Variants in GCLC observed in about 807,000 individuals in gnomAD.
GCLC encodes the protein glutamate-cysteine ligase catalytic subunit.
A neutral mutation model predicts 81.5 loss-of-function variants in GCLC; 30 were observed. The ratio of observed to expected loss-of-function variants is 0.37; its 90% CI spans 0.28 to 0.50. GCLC has a LOEUF of 0.50. Ranked by LOEUF, GCLC falls within the 20% of genes least tolerant of loss-of-function variation. The pLI is 0.96. For synonymous variants in GCLC, 262 were observed against 273.3 expected, an observed-to-expected ratio of 0.96 and a Z score of 0.41; for missense variants, 556 against 777.4, an observed-to-expected ratio of 0.72 and a Z score of 3.39.
intron 6 of GCLC, chr6:53,510,402 A>G (rs1434733081): frequency 6.6e-6 from 1 of 151,890 alleles, no homozygotes; most frequent in Non-Finnish European, 1.5e-5. Context: ...CAGAGAAAAG[A>G]TCATATAACT....
intron 1 of GCLC, among the ~76,000 whole-genome samples, chr6:53,538,101 T>C (rs1485209983): frequency 6.6e-6 from 1 of 151,690 alleles, no homozygotes. Flanking sequence ...CATACACTTA[T>C]TCATTAATAA....
chr6:53,527,372 T>C (rs1301649793), intron 1 of GCLC, among the ~76,000 whole-genome samples: 1 of 152,186 alleles, frequency 6.6e-6, no homozygotes, highest in Non-Finnish European at 1.5e-5. Flanking sequence ...AGAGACTTAG[T>C]TTTCTCCTTA....
intron 15 of GCLC, 145 bp downstream of exon 15, chr6:53,499,900 A>G (rs568401515): frequency 3.0e-6 from 2 of 671,470 alleles, no homozygotes; most frequent in Admixed American, 4.9e-5. Flanking sequence ...CAAAGATTAT[A>G]AGGTGAATAC....
chr6:53,530,456 T>G (rs762055146), intron 1 of GCLC, among the ~76,000 whole-genome samples: 7 of 152,198 alleles, frequency 4.6e-5, no homozygotes, highest in Non-Finnish European at 8.8e-5. Context: ...AAATCTCAGA[T>G]AAGTTAAAGC....
chr6:53,527,920 T>G (rs1218706715), intron 1 of GCLC, among the ~76,000 whole-genome samples: 1 of 152,196 alleles, frequency 6.6e-6, no homozygotes, highest in Non-Finnish European at 1.5e-5. Context: ...GATCACTGCA[T>G]CCACCCCACA....
At chr6:53,507,108 C>T in intron 9 of GCLC, 83 bp from the exon 10 acceptor site, 2 of 817,998 alleles carry the variant, frequency 2.4e-6, no homozygotes, top group Middle Eastern at 2.2e-4. Flanking sequence ...CAGGATAGCT[C>T]AGGAAGTTTG....
rs1764422490 is a variant in GCLC at position 53,498,517 on chromosome 6, G to A, written c.*239C>T. 2 of 514,770 alleles carry A rather than the reference G, an allele frequency of 3.9e-6. No homozygotes were observed. Among genetic ancestry groups the A allele is most frequent in the East Asian group, 6.8e-5 (2 of 29,308 alleles). The allele number at this position is 514,770 out of a possible 1,614,324, so 31.9% of individuals were successfully genotyped here. Reference sequence around the variant, plus strand: ...TTTAAAAATGTACAAGCCAGTTCATGATGACTTTAGATATGTTATTAAAAT... The same window carrying A: ...TTTAAAAATGTACAAGCCAGTTCATAATGACTTTAGATATGTTATTAAAAT... On this transcript the variant is annotated 3_prime_UTR_variant, in exon 16 of 16. Coordinates refer to ENST00000650454, the MANE Select transcript of GCLC (RefSeq NM_001498.4).
intron 2 of GCLC, 128 bp from the exon 3 acceptor site, chr6:53,521,088 A>G (rs1334408160): frequency 5.3e-6 from 4 of 758,220 alleles, no homozygotes; most frequent in Non-Finnish European, 9.4e-6. Context: ...AGTCCTTCAC[A>G]GTTCTCAGTG....
rs965427186 is a variant in GCLC at position 53,498,926 on chromosome 6, C to T, written c.1744G>A (p.Ala582Thr). The change falls in exon 16 of 16, where the codon GCA becomes ACA. Residue 582 changes from alanine (A) to threonine (T), a missense_variant. By Grantham distance (58) the Ala-to-Thr change is moderately conservative. Transcript: ENST00000650454. ...TCTTGCTTGTAGTCAGGATGGTTTG[C>T]GATAAACTCCCTCATCCATCTGGCA... is the stretch of plus-strand genomic sequence containing the variant. ...TVARWMREFI[A>T]NHPDYKQDSV... The T allele has an allele frequency of 5.6e-6, 9 of 1,612,964 alleles. No homozygotes were observed. Among genetic ancestry groups the T allele is most frequent in the South Asian group, 3.3e-5 (3 of 91,052 alleles).
Position 53,544,666 on chromosome 6 carries a change from C to T in GCLC, c.-21G>A, listed in dbSNP as rs144102991. On this transcript the variant is annotated 5_prime_UTR_variant, in exon 1 of 16. Coordinates refer to ENST00000650454, the MANE Select transcript of GCLC (RefSeq NM_001498.4). ...CCCATGGCCGCCCCCTCCTCCTCCT[C>T]CTCCTCCTCCGGGCTGACGGCGGTC... The T allele has an allele frequency of 5.5e-4, 877 of 1,582,718 alleles. No individual in the cohort carries two copies. Among genetic ancestry groups the T allele is most frequent in the Non-Finnish European group, 5.6e-4 (652 of 1,171,778 alleles).
chr6:53,514,124 C>G, intron 6 of GCLC, 80 bp downstream of exon 6: 1 of 1,343,522 alleles, frequency 7.4e-7, no homozygotes, highest in Non-Finnish European at 1.1e-6. Flanking sequence ...ATTTTTGGAA[C>G]AGGAAACATG....
Position 53,511,325 on chromosome 6 carries a change from C to T in GCLC, c.754-2075G>A, listed in dbSNP as rs542584686. Among the ~76,000 whole-genome samples, 3 of 151,962 alleles carry T rather than the reference C, an allele frequency of 2.0e-5. No homozygotes were observed. In the South Asian group the frequency reaches 6.2e-4, roughly 32 times the overall value. On this transcript the variant is annotated intron_variant, in intron 6 of 15. Transcript: ENST00000650454. The stretch of plus-strand genomic sequence containing the variant: ...TTTAAAAAAACCAAAAAACAAAAAA[C>T]TACATGTTTCCCAAGTATTTTGACT...
chr6:53,534,592 C>T, intron 1 of GCLC, among the ~76,000 whole-genome samples: 1 of 151,864 alleles, frequency 6.6e-6, no homozygotes. Context: ...ATCAGTGGGC[C>T]CTACAATTGC....
At position 53,500,073 on chromosome 6, in the gene GCLC, G is replaced by A; in HGVS notation, c.1674C>T (p.Tyr558=). ...DVDTRCSILN[Y]LKLIKKRASG... The stretch of plus-strand genomic sequence containing the variant: ...ATGCTCTCTTCTTAATTAGCTTTAG[G>A]TAGTTCAGAATACTACATCTGGTGT... Residue 558 remains tyrosine, a synonymous_variant, in exon 15 of 16, where the codon TAC becomes TAT. Transcript: ENST00000650454. 1 of 1,604,880 alleles carries A rather than the reference G, an allele frequency of 6.2e-7. No individual in the cohort carries two copies. The highest frequency in any genetic ancestry group is 1.1e-5 in the South Asian group (1 of 90,888).
chr6:53,514,081 T>C, intron 6 of GCLC, 123 bp downstream of exon 6: 1 of 893,812 alleles, frequency 1.1e-6, no homozygotes, highest in Non-Finnish European at 1.8e-6. Context: ...CAGAAAGGCA[T>C]ACCAGCTACC....
rs752576461 is a variant in GCLC, at chr6:53,500,269, A to G, written c.1559T>C (p.Ile520Thr). 2.5e-6 allele frequency: 4 copies of G among 1,614,032 alleles called. No homozygotes were observed. Among genetic ancestry groups the G allele is most frequent in the East Asian group, 4.5e-5 (2 of 44,872 alleles). Residue 520 changes from isoleucine to threonine, a missense_variant, in exon 14 of 16, where the codon ATA becomes ACA. Coordinates refer to ENST00000650454, the MANE Select transcript of GCLC (RefSeq NM_001498.4). ...LAAEEYTLMS[I>T]DTIINGKEGV... ...TACCTTCCCATTGATGATGGTGTCT[A>G]TGCTCATGAGGGTGTACTCCTCTGC...
At chr6:53,533,390 C>A (rs2127629298) in intron 1 of GCLC, among the ~76,000 whole-genome samples, 1 of 152,356 alleles carries the variant, frequency 6.6e-6, no homozygotes, top group East Asian at 1.9e-4. Flanking sequence ...ACCTGCCCAA[C>A]TGGCAAATCC....
intron 1 of GCLC, among the ~76,000 whole-genome samples, chr6:53,526,281 C>G (rs1453719895): frequency 6.6e-6 from 1 of 152,124 alleles, no homozygotes; most frequent in East Asian, 1.9e-4. Context: ...CCAACAAAAA[C>G]AAAGAATTTT....
At chr6:53,519,789 T>A (rs901642922) in intron 3 of GCLC, among the ~76,000 whole-genome samples, 27 of 152,116 alleles carry the variant, frequency 1.8e-4, no homozygotes, top group Admixed American at 1.3e-4. Flanking sequence ...AATGAAGGTA[T>A]CACAGAAATA....
Sources: allele counts gnomAD v4.1 joint callset (sites outside exome capture counted in the v4.1 genomes callset), GRCh38; gene constraint gnomAD v4.1.1; transcripts MANE v1.5; gene names NCBI Gene and HGNC (gene_info 2026-07-23, HGNC 2026-07-21).